Variants in ENOX1 observed in about 807,000 individuals in gnomAD.
ENOX1 encodes ecto-NOX disulfide-thiol exchanger 1.
ENOX1 carries 42 observed loss-of-function variants against 82.5 expected under a neutral mutation model. The ratio of observed to expected loss-of-function variants is 0.51; its 90% CI spans 0.40 to 0.66. The LOEUF is 0.66. Among genes scored for constraint, ENOX1 ranks in the 30% least tolerant of loss-of-function variants. ENOX1 has a pLI of 0.00. For synonymous variants in ENOX1, 271 were observed against 282.2 expected (o/e 0.96, Z 0.40); for missense variants, 608 against 811.6 (o/e 0.75, Z 3.05).
At chr13:43,222,116 A>C (rs1156293855) in intron 16 of ENOX1, among the ~76,000 whole-genome samples, 2 of 152,112 alleles carry the variant, frequency 1.3e-5, no homozygotes, top group Non-Finnish European at 2.9e-5. Flanking sequence ...TACTTTCTTC[A>C]TCACTCTAAA....
chr13:43,324,822 G>T (rs1394091479), intron 10 of ENOX1, among the ~76,000 whole-genome samples: 1 of 152,164 alleles, frequency 6.6e-6, no homozygotes, highest in Non-Finnish European at 1.5e-5. Context: ...GCAGGGTTAA[G>T]CGAAGGTGAG....
At chr13:43,334,534 T>A (rs1383150412) in intron 9 of ENOX1, among the ~76,000 whole-genome samples, 1 of 152,164 alleles carries the variant, frequency 6.6e-6, no homozygotes, top group African/African-American at 2.4e-5. Flanking sequence ...TTAAGAGAGC[T>A]GCAGAGGGTG....
intron 8 of ENOX1, among the ~76,000 whole-genome samples, chr13:43,345,290 T>C (rs1416305242): frequency 1.3e-5 from 2 of 152,248 alleles, no homozygotes; most frequent in Admixed American, 6.5e-5. Context: ...ATTCTTGTTC[T>C]ACTGTAGTTC....
chr13:43,669,165 C>G (rs2153789773), intron 1 of ENOX1, among the ~76,000 whole-genome samples: 1 of 152,264 alleles, frequency 6.6e-6, no homozygotes, highest in African/African-American at 2.4e-5. Flanking sequence ...GAAACTGCAA[C>G]CAGCAATACG....
At chr13:43,254,951 CAT>C (rs2043662011) in intron 14 of ENOX1, among the ~76,000 whole-genome samples, 1 of 151,880 alleles carries the variant, frequency 6.6e-6, no homozygotes, top group African/African-American at 2.4e-5. Context: ...AATTCTACCA[CAT>C]ATTAAAAAAG....
intron 2 of ENOX1, among the ~76,000 whole-genome samples, chr13:43,569,453 G>A (rs1432340539): frequency 3.3e-5 from 5 of 152,082 alleles, no homozygotes; most frequent in Admixed American, 6.6e-5. Context: ...CAATACCTCA[G>A]ACTCTTTGCT....
chr13:43,315,859 A>G (rs1467106786), intron 11 of ENOX1, among the ~76,000 whole-genome samples: 2 of 152,196 alleles, frequency 1.3e-5, no homozygotes, highest in African/African-American at 4.8e-5. Context: ...TCCTGCATCA[A>G]ACCTTACCGG....
rs565290334 is a variant in ENOX1 at position 43,421,536 on chromosome 13, T to G, written c.-74-8548A>C. On this transcript the variant is annotated intron_variant, in intron 3 of 16. Transcript: ENST00000690772. The stretch of plus-strand genomic sequence containing the variant: ...ATCTGTGTTTATAAAATCACTGAAC[T>G]TTTTCCTGAAGTGTCACATCACACT... 6.6e-5 allele frequency among the ~76,000 whole-genome samples: 10 copies of G among 152,256 alleles called. No individual in the cohort carries two copies. The South Asian group carries it at 1.9e-3, about 28-fold the overall frequency.
chr13:43,215,191 T>C (rs1409573156), intron 16 of ENOX1, among the ~76,000 whole-genome samples: 4 of 152,204 alleles, frequency 2.6e-5, no homozygotes, highest in Non-Finnish European at 5.9e-5. Flanking sequence ...AGACACCAAA[T>C]AGACCAAGAA....
intron 5 of ENOX1, among the ~76,000 whole-genome samples, chr13:43,388,833 C>A (rs1443556080): frequency 6.6e-6 from 1 of 152,112 alleles, no homozygotes; most frequent in East Asian, 1.9e-4. Flanking sequence ...GAATCATTAA[C>A]AGCTGAACAA....
chr13:43,582,639 T>C (rs1025361216), intron 2 of ENOX1, among the ~76,000 whole-genome samples: 1 of 152,024 alleles, frequency 6.6e-6, no homozygotes, highest in Non-Finnish European at 1.5e-5. Context: ...AGTGGTGCCA[T>C]CATGGCTCAC....
rs547002327 is a variant in ENOX1, at chr13:43,590,502, T to C, written c.-219+76977A>G. Among the ~76,000 whole-genome samples the C allele has an allele frequency of 1.5e-3, 223 of 152,034 alleles. 1 individual carries two copies. The highest frequency in any genetic ancestry group is 4.2e-3 in the African/African-American group (175 of 41,474). ...AATACATTGAAAAATGGGCCGGGTG[T>C]GGTGGCTCACGCCTGTAACCTCAGC... On this transcript the variant is annotated intron_variant, in intron 2 of 16. Transcript: ENST00000690772.
At chr13:43,507,547 G>A (rs1005366241) in intron 2 of ENOX1, among the ~76,000 whole-genome samples, 1 of 152,048 alleles carries the variant, frequency 6.6e-6, no homozygotes, top group East Asian at 1.9e-4. Flanking sequence ...TCTTAATCTA[G>A]CCAAATCTAG....
At chr13:43,281,852 G>C (rs1284542757) in intron 12 of ENOX1, among the ~76,000 whole-genome samples, 1 of 152,152 alleles carries the variant, frequency 6.6e-6, no homozygotes, top group Non-Finnish European at 1.5e-5. Context: ...ACTTTATGTA[G>C]CAATCTTTTT....
At chr13:43,665,184 C>T (rs1450708157) in intron 2 of ENOX1, among the ~76,000 whole-genome samples, 2 of 152,142 alleles carry the variant, frequency 1.3e-5, no homozygotes, top group African/African-American at 4.8e-5. Flanking sequence ...GGAGATCTGA[C>T]CCTGGACTTT....
chr13:43,289,823 A>G (rs963137407), intron 12 of ENOX1, among the ~76,000 whole-genome samples: 4 of 152,362 alleles, frequency 2.6e-5, no homozygotes, highest in Middle Eastern at 6.8e-3. Context: ...TTCACAAACT[A>G]TGCAGCTGAC....
At chr13:43,323,643 G>C (rs753893320) in intron 10 of ENOX1, among the ~76,000 whole-genome samples, 6 of 152,060 alleles carry the variant, frequency 3.9e-5, no homozygotes, top group Non-Finnish European at 8.8e-5. Flanking sequence ...ACTTAAAACA[G>C]GGGAAGCCTC....
chr13:43,532,932 T>C (rs1234061398), intron 2 of ENOX1, among the ~76,000 whole-genome samples: 1 of 151,652 alleles, frequency 6.6e-6, no homozygotes, highest in Non-Finnish European at 1.5e-5. Flanking sequence ...TCTAATACAG[T>C]ATTGATGGAT....
chr13:43,398,365 T>G (rs1390095778), intron 5 of ENOX1, among the ~76,000 whole-genome samples: 1 of 152,168 alleles, frequency 6.6e-6, no homozygotes, highest in East Asian at 1.9e-4. Flanking sequence ...ATGAGGATTT[T>G]TTTGTTTGTT....
Sources: gnomAD v4.1 joint callset for allele counts (sites outside exome capture counted in the v4.1 genomes callset) on GRCh38, gnomAD v4.1.1 for gene constraint, MANE v1.5 for transcripts, NCBI Gene and HGNC (gene_info 2026-07-23, HGNC 2026-07-21) for gene names.